Variants in SLC1A4 observed in about 807,000 individuals in gnomAD.
SLC1A4 encodes solute carrier family 1 member 4.
A neutral mutation model predicts 37.7 loss-of-function variants in SLC1A4; 19 were observed. The ratio of observed to expected loss-of-function variants is 0.50; its 90% CI spans 0.35 to 0.74. The LOEUF (loss-of-function observed/expected upper bound fraction) is 0.74. Among genes scored for constraint, SLC1A4 ranks in the 30% least tolerant of loss-of-function variants. SLC1A4 has a pLI of 0.01. For missense variants in SLC1A4, 570 were observed against 712.9 expected (o/e 0.80, Z 2.28); for synonymous variants, 299 against 309.8 (o/e 0.97, Z 0.37).
chr2:64,994,948 C>A (rs779852477), intron 1 of SLC1A4: 3 of 152,112 alleles, frequency 2.0e-5, no homozygotes, highest in African/African-American at 7.2e-5. Context: ...TTGACTGTGG[C>A]GGGTTGTTGT....
chr2:65,010,157 C>T lies in SLC1A4; in HGVS notation c.634-440C>T, dbSNP rs544816654. Reference sequence around the variant, plus strand: ...ATGTTGGTCAGGCTGGTCTCAAACTCGTGACTTCAGGTGATCCACTCGCCT... The same window carrying T: ...ATGTTGGTCAGGCTGGTCTCAAACTTGTGACTTCAGGTGATCCACTCGCCT... On this transcript the variant is annotated intron_variant, in intron 3 of 7. Transcript: ENST00000234256. 1.4e-3 allele frequency among the ~76,000 whole-genome samples: 217 copies of T among 152,292 alleles called. 3 individuals carry two copies. In the South Asian group the frequency reaches 0.045, roughly 31 times the overall value.
chr2:64,998,588 G>C (rs1673353685), intron 1 of SLC1A4, among the ~76,000 whole-genome samples: 1 of 152,154 alleles, frequency 6.6e-6, no homozygotes, highest in Non-Finnish European at 1.5e-5. Flanking sequence ...ATTGGATTTT[G>C]CAGACTAGAT....
chr2:65,008,218 T>C (rs574726002), intron 3 of SLC1A4, among the ~76,000 whole-genome samples: 6 of 152,332 alleles, frequency 3.9e-5, no homozygotes, highest in African/African-American at 1.2e-4. Context: ...ATCCAGCTCA[T>C]AGAATCCTAG....
At chr2:65,017,626 T>G (rs576764419) in intron 5 of SLC1A4, among the ~76,000 whole-genome samples, 38 of 152,092 alleles carry the variant, frequency 2.5e-4, no homozygotes, top group African/African-American at 9.2e-4. Context: ...CTTATGGTTA[T>G]CTACTTAGTT....
intron 1 of SLC1A4, chr2:65,000,887 T>C (rs150989463): frequency 3.9e-5 from 6 of 152,596 alleles, no homozygotes; most frequent in East Asian, 1.9e-4. Context: ...CTCCCCCCAA[T>C]TGGGGAATGC....
At chr2:64,998,419 C>CAAA (rs781241996) in intron 1 of SLC1A4, among the ~76,000 whole-genome samples, 1 of 85,970 alleles carries the variant, frequency 1.2e-5, no homozygotes, top group African/African-American at 4.6e-5. Flanking sequence ...ACTCTGTCTC[C>CAAA]AAAAAAAAAA....
Position 65,016,662 on chromosome 2 carries a change from T to A in SLC1A4, c.1023T>A (p.Ala341=), listed in dbSNP as rs759357618. The A allele has an allele frequency of 6.2e-7, 1 of 1,613,614 alleles. No homozygotes were observed. The highest frequency in any genetic ancestry group is 2.2e-5 in the East Asian group (1 of 44,882). Residue 341 remains alanine, a synonymous_variant, in exon 5 of 8, where the codon GCT becomes GCA. Coordinates refer to ENST00000234256, the MANE Select transcript of SLC1A4 (RefSeq NM_003038.5). ...TCGCCCCATTTGCGACAGCATTTGCTACCTGCTCCAGGTGAGTGGGTTTTG... is the reference window on the plus strand; with the variant it reads ...TCGCCCCATTTGCGACAGCATTTGCAACCTGCTCCAGGTGAGTGGGTTTTG... ...GLLAPFATAF[A]TCSSSATLPS...
Position 64,989,647 on chromosome 2 carries a change from G to A in SLC1A4, c.4G>A (p.Glu2Lys), listed in dbSNP as rs1672962767. M[E>K]KSNETNGYLD... ...GCTCGGAGCGGCGTGTAGCGCCATG[G>A]AGAAGAGCAACGAGACCAACGGCTA... Residue 2 changes from glutamate (E) to lysine (K), a missense_variant, in exon 1 of 8, where the codon GAG becomes AAG. By Grantham distance (56) the Glu-to-Lys change is moderately conservative. Coordinates refer to ENST00000234256, the MANE Select transcript of SLC1A4 (RefSeq NM_003038.5). The A allele has an allele frequency of 2.0e-6, 3 of 1,524,890 alleles. No individual in the cohort carries two copies. 94.5% of individuals were successfully genotyped at this position (1,524,890 alleles called of 1,614,324 possible).
chr2:65,020,289 C>G (rs1420570572), intron 7 of SLC1A4, among the ~76,000 whole-genome samples: 1 of 152,216 alleles, frequency 6.6e-6, no homozygotes, highest in East Asian at 1.9e-4. Context: ...TTATTAGAGT[C>G]AGGGTCTTAC....
intron 4 of SLC1A4, among the ~76,000 whole-genome samples, chr2:65,013,557 A>G (rs998688697): frequency 1.3e-5 from 2 of 152,206 alleles, no homozygotes; most frequent in African/African-American, 4.8e-5. Flanking sequence ...CAGTTTAGTC[A>G]TTCCTTCAAT....
At chr2:65,003,072 T>C (rs1007342659) in intron 2 of SLC1A4, among the ~76,000 whole-genome samples, 1 of 152,174 alleles carries the variant, frequency 6.6e-6, no homozygotes, top group Non-Finnish European at 1.5e-5. Flanking sequence ...AATATAGGTA[T>C]ATGGGGCTTT....
At chr2:65,010,136 T>G (rs1673858845) in intron 3 of SLC1A4, among the ~76,000 whole-genome samples, 1 of 152,144 alleles carries the variant, frequency 6.6e-6, no homozygotes, top group Non-Finnish European at 1.5e-5. Context: ...TTCACCATGT[T>G]GGTCAGGCTG....
rs141003389 is a variant in SLC1A4 at position 65,004,423 on chromosome 2, ATTATTTATTTATTTAT to A, written c.633+427_633+442del. On this transcript the variant is annotated intron_variant, in intron 3 of 7. Coordinates refer to ENST00000234256, the MANE Select transcript of SLC1A4 (RefSeq NM_003038.5). ...TGCCACCATGCTCGGCTAATATTTT[ATTATTTATTTATTTAT>A]TTATTTATTTATTTATTTTTTATGT... Among the ~76,000 whole-genome samples, 17 of 149,564 alleles carry A rather than the reference ATTATTTATTTATTTAT, an allele frequency of 1.1e-4. No individual in the cohort carries two copies. In the South Asian group the frequency reaches 2.5e-3, roughly 22 times the overall value.
intron 1 of SLC1A4, among the ~76,000 whole-genome samples, chr2:64,997,616 GATT>G (rs1201649486): frequency 6.6e-6 from 1 of 152,210 alleles, no homozygotes; most frequent in Non-Finnish European, 1.5e-5. Context: ...GTGTTGCTGA[GATT>G]ATCCATGTTG....
Position 65,005,736 on chromosome 2 carries a change from AT to A in SLC1A4, c.633+1722del, listed in dbSNP as rs567284309. 3.3e-5 allele frequency among the ~76,000 whole-genome samples: 5 copies of A among 152,374 alleles called. No individual in the cohort carries two copies. In the East Asian group the frequency reaches 9.6e-4, roughly 29 times the overall value. On this transcript the variant is annotated intron_variant, in intron 3 of 7. Coordinates refer to ENST00000234256, the MANE Select transcript of SLC1A4 (RefSeq NM_003038.5). ...TGCCCAGGTGCAGTGGCTTACGCCTATAATCCAAGCACTTTGGGAGGCCAAG... is the reference window on the plus strand; with the variant it reads ...TGCCCAGGTGCAGTGGCTTACGCCTAAATCCAAGCACTTTGGGAGGCCAAG...
At chr2:64,992,448 A>G (rs1467347200) in intron 1 of SLC1A4, among the ~76,000 whole-genome samples, 1 of 152,208 alleles carries the variant, frequency 6.6e-6, no homozygotes, top group South Asian at 2.1e-4. Context: ...TGGAGGGCTA[A>G]GAGAGGCTTT....
Position 64,989,606 on chromosome 2 carries a change from TC to T in SLC1A4, c.-34del. 6.9e-7 allele frequency: 1 copy of T among 1,442,778 alleles called. No homozygotes were observed. The highest frequency in any genetic ancestry group is 9.1e-7 in the Non-Finnish European group (1 of 1,100,288). The allele number at this position is 1,442,778 out of a possible 1,614,324, so 89.4% of individuals were successfully genotyped here. A position where few individuals can be genotyped will look rare whatever the true frequency, so the allele number is the denominator to read the frequency against. Reference sequence around the variant, plus strand: ...ACCCCGTCTTTTGCCAGAGCCCACGTCCCCTGCCACCTCTAGCTCGGAGCGG... The same window carrying T: ...ACCCCGTCTTTTGCCAGAGCCCACGTCCCTGCCACCTCTAGCTCGGAGCGG... On this transcript the variant is annotated 5_prime_UTR_variant, in exon 1 of 8. Transcript: ENST00000234256.
intron 3 of SLC1A4, among the ~76,000 whole-genome samples, chr2:65,005,253 C>T (rs1475217718): frequency 1.3e-5 from 2 of 152,180 alleles, no homozygotes; most frequent in African/African-American, 2.4e-5. Flanking sequence ...GAACGGATGG[C>T]ATTCTTAGTA....
At chr2:64,992,963 G>C (rs899679297) in intron 1 of SLC1A4, among the ~76,000 whole-genome samples, 1 of 152,222 alleles carries the variant, frequency 6.6e-6, no homozygotes, top group Non-Finnish European at 1.5e-5. Flanking sequence ...CCTGAGTCTG[G>C]AGAGTCTCTG....
Sources: allele counts gnomAD v4.1 joint callset (sites outside exome capture counted in the v4.1 genomes callset), GRCh38; gene constraint gnomAD v4.1.1; transcripts MANE v1.5; gene names NCBI Gene and HGNC (gene_info 2026-07-23, HGNC 2026-07-21).